Variants in GLCCI1 observed in about 807,000 individuals in gnomAD.
GLCCI1 encodes glucocorticoid-induced transcript 1 protein.
A neutral mutation model predicts 52.2 loss-of-function variants in GLCCI1; 24 were observed. The ratio of observed to expected loss-of-function variants is 0.46; its 90% CI spans 0.33 to 0.65. The LOEUF is 0.65. Among genes scored for constraint, GLCCI1 ranks in the 30% least tolerant of loss-of-function variants. The probability of loss-of-function intolerance (pLI) is 0.02; values close to 1 mark genes in which losing one functional copy is unlikely to be tolerated. For missense variants in GLCCI1, 704 were observed against 701.5 expected (o/e 1.00, Z -0.04); for synonymous variants, 310 against 276.5 (o/e 1.12, Z -1.20).
At chr7:8,006,592 G>A (rs1781154431) in intron 2 of GLCCI1, among the ~76,000 whole-genome samples, 2 of 152,154 alleles carry the variant, frequency 1.3e-5, no homozygotes, top group Non-Finnish European at 2.9e-5. Context: ...AGGGTCTGCA[G>A]CAAATATAAA....
At chr7:8,024,191 C>G (rs1225396612) in intron 3 of GLCCI1, among the ~76,000 whole-genome samples, 1 of 151,966 alleles carries the variant, frequency 6.6e-6, no homozygotes, top group Non-Finnish European at 1.5e-5. Context: ...TTATCAGTGT[C>G]CCTCATATAC....
chr7:8,018,692 C>CT (rs148054640), intron 2 of GLCCI1, among the ~76,000 whole-genome samples: 21 of 150,786 alleles, frequency 1.4e-4, no homozygotes, highest in Non-Finnish European at 2.7e-4. Flanking sequence ...TACATAGAGG[C>CT]TTTTTTTTTC....
At position 7,993,764 on chromosome 7, in the gene GLCCI1, G is replaced by C. The variant is rs138959974; in HGVS notation, c.458-10144G>C. ...TATGTTGTAGATGCCAATACTCCTT[G>C]ACTTACAATGGGGGTTACATCCTGA... On this transcript the variant is annotated intron_variant, in intron 1 of 7. Coordinates refer to ENST00000223145, the MANE Select transcript of GLCCI1 (RefSeq NM_138426.4). Among the ~76,000 whole-genome samples the C allele has an allele frequency of 4.7e-4, 69 of 148,148 alleles. 1 individual carries two copies. Among genetic ancestry groups the C allele is most frequent in the African/African-American group, 1.7e-3 (67 of 39,532 alleles).
chr7:8,004,082 A>G (rs767698545), intron 2 of GLCCI1, 23 bp downstream of exon 2: 2 of 1,604,124 alleles, frequency 1.2e-6, no homozygotes, highest in Non-Finnish European at 1.7e-6. Context: ...AATCAAAATC[A>G]GCTTATTACC....
intron 2 of GLCCI1, among the ~76,000 whole-genome samples, chr7:8,020,217 T>C (rs1053898950): frequency 1.4e-4 from 21 of 152,106 alleles, no homozygotes; most frequent in African/African-American, 4.8e-4. Flanking sequence ...ACATACACAT[T>C]AGCCTAGGCC....
chr7:8,023,893 C>G (rs1253403293), intron 3 of GLCCI1, among the ~76,000 whole-genome samples: 1 of 152,104 alleles, frequency 6.6e-6, no homozygotes, highest in African/African-American at 2.4e-5. Flanking sequence ...ACCACCACAC[C>G]AGGCCATGAT....
At chr7:8,001,567 TA>T (rs1157701631) in intron 1 of GLCCI1, among the ~76,000 whole-genome samples, 2 of 152,182 alleles carry the variant, frequency 1.3e-5, no homozygotes, top group Non-Finnish European at 2.9e-5. Flanking sequence ...GATGTAGAAC[TA>T]AAAATACCAT....
At chr7:8,050,625 T>C (rs910220122) in intron 3 of GLCCI1, among the ~76,000 whole-genome samples, 1 of 152,214 alleles carries the variant, frequency 6.6e-6, no homozygotes, top group East Asian at 1.9e-4. Context: ...CTTCAGTGAT[T>C]GTTTTAGGGA....
chr7:7,975,839 T>C (rs1232704872), intron 1 of GLCCI1, among the ~76,000 whole-genome samples: 2 of 152,238 alleles, frequency 1.3e-5, no homozygotes, highest in Non-Finnish European at 2.9e-5. Context: ...TTTCTGAAGA[T>C]AGGAACATGA....
intron 5 of GLCCI1, among the ~76,000 whole-genome samples, chr7:8,063,212 A>G (rs185222162): frequency 2.6e-4 from 40 of 152,234 alleles, no homozygotes; most frequent in Admixed American, 1.4e-3. Flanking sequence ...ATCTTGGCTT[A>G]CTGCAACTTC....
At chr7:8,063,670 G>A (rs1389938570) in intron 5 of GLCCI1, among the ~76,000 whole-genome samples, 1 of 143,040 alleles carries the variant, frequency 7.0e-6, no homozygotes, top group African/African-American at 2.6e-5. Context: ...CCAGGCTGGA[G>A]TATAGCGGCA....
intron 3 of GLCCI1, among the ~76,000 whole-genome samples, chr7:8,043,445 C>A (rs1388176751): frequency 6.6e-6 from 1 of 152,030 alleles, no homozygotes; most frequent in Non-Finnish European, 1.5e-5. Context: ...ACATAGCTTG[C>A]CAATCCTTGC....
intron 1 of GLCCI1, among the ~76,000 whole-genome samples, chr7:7,996,891 A>C (rs1330204403): frequency 6.6e-6 from 1 of 152,166 alleles, no homozygotes; most frequent in Non-Finnish European, 1.5e-5. Context: ...ACACTGAGAG[A>C]GCTTCAGTTT....
At chr7:8,064,738 C>T (rs974318463) in intron 5 of GLCCI1, among the ~76,000 whole-genome samples, 5 of 152,008 alleles carry the variant, frequency 3.3e-5, no homozygotes, top group Admixed American at 6.6e-5. Flanking sequence ...CAGAGTCTTG[C>T]TGCTCTGTCG....
At chr7:8,023,423 C>T (rs1781535390) in intron 3 of GLCCI1, among the ~76,000 whole-genome samples, 1 of 151,968 alleles carries the variant, frequency 6.6e-6, no homozygotes, top group South Asian at 2.1e-4. Flanking sequence ...CCTGAGGTGT[C>T]ATATCTTTAT....
intron 1 of GLCCI1, among the ~76,000 whole-genome samples, chr7:7,994,883 C>A (rs1246221614): frequency 6.6e-6 from 1 of 152,198 alleles, no homozygotes; most frequent in Non-Finnish European, 1.5e-5. Flanking sequence ...CACAAACACA[C>A]ACACACTCAC....
chr7:8,059,658 C>G (rs969966049), intron 4 of GLCCI1, among the ~76,000 whole-genome samples: 2 of 152,084 alleles, frequency 1.3e-5, no homozygotes, highest in East Asian at 3.8e-4. Flanking sequence ...ATGGAAATGC[C>G]AAATACTAGA....
chr7:8,017,496 A>AT (rs1781404071), intron 2 of GLCCI1, among the ~76,000 whole-genome samples: 1 of 152,154 alleles, frequency 6.6e-6, no homozygotes, highest in Admixed American at 6.6e-5. Context: ...GGCCTTATCT[A>AT]AGAGTTCCAG....
At chr7:8,082,554 A>T (rs903338191) in intron 6 of GLCCI1, among the ~76,000 whole-genome samples, 1 of 152,152 alleles carries the variant, frequency 6.6e-6, no homozygotes, top group South Asian at 2.1e-4. Flanking sequence ...TTTTTTTCTT[A>T]CAAGCTTTGC....
Sources: allele counts gnomAD v4.1 joint callset (sites outside exome capture counted in the v4.1 genomes callset), GRCh38; gene constraint gnomAD v4.1.1; transcripts MANE v1.5; gene names NCBI Gene and HGNC (gene_info 2026-07-23, HGNC 2026-07-21).